Variants in EIPR1 observed in about 807,000 individuals in gnomAD.
EIPR1 encodes the protein EARP and GARP complex-interacting protein 1.
Under a neutral mutation model 48.1 loss-of-function variants are expected in EIPR1, and 25 were observed. That is an observed-to-expected ratio of 0.52 (90% CI 0.38 to 0.73). The LOEUF is 0.73. Among genes scored for constraint, EIPR1 ranks in the 30% least tolerant of loss-of-function variants. The probability of loss-of-function intolerance (pLI) is 0.00; values close to 1 mark genes in which losing one functional copy is unlikely to be tolerated. For missense variants in EIPR1, 415 were observed against 506.2 expected, an observed-to-expected ratio of 0.82 and a Z score of 1.73; for synonymous variants, 204 against 201.9, an observed-to-expected ratio of 1.01 and a Z score of -0.09.
chr2:3,299,574 A>G (rs978235086), intron 3 of EIPR1, among the ~76,000 whole-genome samples: 3 of 150,470 alleles, frequency 2.0e-5, no homozygotes, highest in African/African-American at 4.9e-5. Flanking sequence ...TCCCATTTGT[A>G]TGTTTTAAAT....
intron 2 of EIPR1, among the ~76,000 whole-genome samples, chr2:3,346,122 T>C (rs1271739184): frequency 6.6e-6 from 1 of 152,328 alleles, no homozygotes; most frequent in African/African-American, 2.4e-5. Context: ...AAACCGAGCA[T>C]AGGCCCATGC....
At chr2:3,307,240 G>A (rs1258813091) in intron 3 of EIPR1, among the ~76,000 whole-genome samples, 1 of 152,150 alleles carries the variant, frequency 6.6e-6, no homozygotes, top group East Asian at 1.9e-4. Context: ...GGGATTACAG[G>A]TGTGAGCCAC....
chr2:3,321,387 C>A (rs1008062946), intron 3 of EIPR1, among the ~76,000 whole-genome samples: 1 of 152,152 alleles, frequency 6.6e-6, no homozygotes, highest in Admixed American at 6.5e-5. Context: ...TGCAGCAGAG[C>A]GTCCTCTGCC....
At chr2:3,270,434 T>C (rs1389825060) in intron 3 of EIPR1, among the ~76,000 whole-genome samples, 1 of 152,196 alleles carries the variant, frequency 6.6e-6, no homozygotes, top group Non-Finnish European at 1.5e-5. Flanking sequence ...CTGCTTCCCA[T>C]GGTAACTAAG....
chr2:3,279,730 T>G (rs533929460), intron 3 of EIPR1, among the ~76,000 whole-genome samples: 3 of 152,372 alleles, frequency 2.0e-5, no homozygotes, highest in Admixed American at 2.0e-4. Flanking sequence ...TCTGTGCAAC[T>G]GCAGGAGGCT....
At chr2:3,195,342 A>G (rs1039537942) in intron 6 of EIPR1, among the ~76,000 whole-genome samples, 2 of 152,166 alleles carry the variant, frequency 1.3e-5, no homozygotes, top group Non-Finnish European at 2.9e-5. Flanking sequence ...GCAGGCCTCA[A>G]TGGGGCTGAT....
intron 2 of EIPR1, among the ~76,000 whole-genome samples, chr2:3,341,726 T>C: frequency 6.6e-6 from 1 of 151,518 alleles, no homozygotes. Context: ...ATCATGGGTA[T>C]GGGTGTGTGG....
intron 4 of EIPR1, among the ~76,000 whole-genome samples, chr2:3,218,116 G>A (rs1572311187): frequency 6.6e-6 from 1 of 151,994 alleles, no homozygotes; most frequent in Non-Finnish European, 1.5e-5. Flanking sequence ...AGTGAGTCAG[G>A]TGCACACCCA....
intron 5 of EIPR1, among the ~76,000 whole-genome samples, chr2:3,201,976 A>G (rs1036378192): frequency 7.9e-5 from 12 of 152,056 alleles, no homozygotes; most frequent in Middle Eastern, 3.4e-3. Context: ...TCACTCTGCC[A>G]CCCAGGCTGG....
chr2:3,283,944 T>TAAAAAAAA (rs59593196), intron 3 of EIPR1, among the ~76,000 whole-genome samples: 5 of 92,736 alleles, frequency 5.4e-5, no homozygotes, highest in Non-Finnish European at 6.4e-5. Context: ...AGACTACATC[T>TAAAAAAAA]AAAAAAAAAA....
chr2:3,189,404 G>A lies in EIPR1; in HGVS notation c.1094C>T (p.Ser365Phe). 1 of 1,602,998 alleles carries A rather than the reference G, an allele frequency of 6.2e-7. No homozygotes were observed. The change falls in exon 9 of 9, where the codon TCC becomes TTC. Residue 365 changes from serine (S) to phenylalanine (F), a missense_variant. Transcript: ENST00000382125. The surrounding 1 kb of genome is among the most constrained non-coding windows in gnomAD (Gnocchi z 4.6). ...WSSADPWLFA[S>F]LSYDGRLVIN... ...CACGAGCCTCCCGTCATAGCTCAGG[G>A]AGGCAAACAGCCACGGGTCAGCCGA...
intron 2 of EIPR1, among the ~76,000 whole-genome samples, chr2:3,341,109 A>AC (rs1331757375): frequency 2.0e-5 from 3 of 149,514 alleles, no homozygotes; most frequent in Non-Finnish European, 3.0e-5. Flanking sequence ...AAAAAAAAAA[A>AC]AAAAAAAAAA....
chr2:3,328,670 C>T (rs556402943), intron 3 of EIPR1, among the ~76,000 whole-genome samples: 26 of 120,584 alleles, frequency 2.2e-4, no homozygotes, highest in South Asian at 1.3e-3. Flanking sequence ...GATCTCAGGG[C>T]ACCAGCCAGG....
intron 5 of EIPR1, among the ~76,000 whole-genome samples, chr2:3,211,201 C>T (rs891940901): frequency 6.6e-6 from 1 of 152,044 alleles, no homozygotes; most frequent in Non-Finnish European, 1.5e-5. Flanking sequence ...ATGGGCACGC[C>T]GCAGTGAACA....
intron 3 of EIPR1, among the ~76,000 whole-genome samples, chr2:3,279,792 G>C (rs189511905): frequency 2.0e-5 from 3 of 152,200 alleles, no homozygotes; most frequent in Non-Finnish European, 4.4e-5. Flanking sequence ...ACCATGATGC[G>C]AAGTTACACA....
At chr2:3,197,443 C>T (rs756633255) in intron 5 of EIPR1, among the ~76,000 whole-genome samples, 2 of 152,208 alleles carry the variant, frequency 1.3e-5, no homozygotes, top group African/African-American at 4.8e-5. Context: ...CTCCAGTGCA[C>T]GCCCTCTTCC....
At chr2:3,274,314 A>G in intron 3 of EIPR1, 6 of 1,550,488 alleles carry the variant, frequency 3.9e-6, no homozygotes, top group Non-Finnish European at 5.2e-6. Flanking sequence ...AATGCAGAAC[A>G]CCAAAGACAA....
intron 2 of EIPR1, among the ~76,000 whole-genome samples, chr2:3,348,699 G>GCTGCGC (rs1670476400): frequency 6.6e-6 from 1 of 152,266 alleles, no homozygotes; most frequent in Non-Finnish European, 1.5e-5. Context: ...GCATTATGCA[G>GCTGCGC]TAACGATGCA....
At chr2:3,314,225 C>T (rs918690834) in intron 3 of EIPR1, among the ~76,000 whole-genome samples, 3 of 152,162 alleles carry the variant, frequency 2.0e-5, no homozygotes, top group African/African-American at 7.2e-5. Flanking sequence ...CCAGTTCTAA[C>T]GTGGGACGCT....
Sources: allele counts gnomAD v4.1 joint callset (sites outside exome capture counted in the v4.1 genomes callset), GRCh38; gene constraint gnomAD v4.1.1; non-coding constraint Gnocchi (gnomAD v3.1); transcripts MANE v1.5; gene names NCBI Gene and HGNC (gene_info 2026-07-23, HGNC 2026-07-21).